FAM241B: variants seen among roughly 807,000 people sequenced by gnomAD.
FAM241B encodes family with sequence similarity 241 member B.
FAM241B carries 7 observed loss-of-function variants against 9.3 expected under a neutral mutation model. That is an observed-to-expected ratio of 0.75 (90% CI 0.43 to 1.41). The LOEUF (loss-of-function observed/expected upper bound fraction) is 1.41. Among genes scored for constraint, FAM241B ranks in the 40% most tolerant of loss-of-function variants. FAM241B has a pLI of 0.01. For missense variants in FAM241B, 136 were observed against 159.6 expected, an observed-to-expected ratio of 0.85 and a Z score of 0.80; for synonymous variants, 60 against 64.1, an observed-to-expected ratio of 0.94 and a Z score of 0.31.
intron 3 of FAM241B, 21 bp downstream of exon 3, chr10:69,631,860 G>C (rs983233154): frequency 1.3e-6 from 2 of 1,595,912 alleles, no homozygotes. Flanking sequence ...ATTTCCTGTG[G>C]AGTGGGACAG....
chr10:69,632,017 C>T (rs866644461), intron 3 of FAM241B, among the ~76,000 whole-genome samples, 178 bp downstream of exon 3: 30 of 151,126 alleles, frequency 2.0e-4, no homozygotes, highest in African/African-American at 5.4e-4. Context: ...TTTCTCCAGG[C>T]GCCTCCCCAG....
chr10:69,631,876 C>T (rs777934945), intron 3 of FAM241B, 37 bp downstream of exon 3: 10 of 1,582,300 alleles, frequency 6.3e-6, no homozygotes, highest in South Asian at 2.3e-5. Flanking sequence ...GACAGATGGC[C>T]TCCTGTGTAC....
intron 1 of FAM241B, chr10:69,630,598 C>T (rs2133255045): frequency 3.1e-6 from 4 of 1,273,876 alleles, no homozygotes; most frequent in East Asian, 6.3e-5. Flanking sequence ...CTCCAGGCTA[C>T]GGGCAAGACC....
chr10:69,633,251 G>C lies in FAM241B; in HGVS notation c.*192G>C. The C allele has an allele frequency of 1.2e-6, 1 of 845,800 alleles. No homozygotes were observed. Among genetic ancestry groups the C allele is most frequent in the Non-Finnish European group, 1.8e-6 (1 of 554,262 alleles). 52.4% of individuals were successfully genotyped at this position (845,800 alleles called of 1,614,324 possible). ...TTAGTCCAGCATTTCCAAAGTGTGG[G>C]TGGGTCCGTTGGTTCCCAAGATACT... is the stretch of plus-strand genomic sequence containing the variant. On this transcript the variant is annotated 3_prime_UTR_variant, in exon 4 of 4. Transcript: ENST00000373279.
chr10:69,633,229 GTCCAGCATT>G lies in FAM241B; in HGVS notation c.*175_*183del, dbSNP rs1051304080. The G allele has an allele frequency of 7.8e-5, 78 of 1,005,762 alleles. No homozygotes were observed. Among genetic ancestry groups the G allele is most frequent in the Non-Finnish European group, 7.4e-5 (51 of 690,332 alleles). 62.3% of individuals were successfully genotyped at this position (1,005,762 alleles called of 1,614,324 possible). A position where few individuals can be genotyped will look rare whatever the true frequency, so the allele number is the denominator to read the frequency against. ...AAGCGTGAGGCAGAGGGAGACGTTA[GTCCAGCATT>G]TCCAAAGTGTGGGTGGGTCCGTTGG... On this transcript the variant is annotated 3_prime_UTR_variant, in exon 4 of 4. Transcript: ENST00000373279.
At position 69,633,470 on chromosome 10, in the gene FAM241B, T is replaced by C. The variant is rs781442994; in HGVS notation, c.*411T>C. 1.1e-5 allele frequency: 2 copies of C among 190,108 alleles called. No homozygotes were observed. The highest frequency in any genetic ancestry group is 2.2e-5 in the Non-Finnish European group (2 of 92,008). 11.8% of individuals were successfully genotyped at this position (190,108 alleles called of 1,614,324 possible). A position where few individuals can be genotyped will look rare whatever the true frequency, so the allele number is the denominator to read the frequency against. On this transcript the variant is annotated 3_prime_UTR_variant, in exon 4 of 4. Transcript: ENST00000373279. ...TTGGGCTTAGGGCAGGTGGAAAAAATTCCAGACTTTTTTAGCACTGTTTTT... is the reference window on the plus strand; with the variant it reads ...TTGGGCTTAGGGCAGGTGGAAAAAACTCCAGACTTTTTTAGCACTGTTTTT...
intron 3 of FAM241B, among the ~76,000 whole-genome samples, 175 bp from the exon 4 acceptor site, chr10:69,632,615 G>C (rs1839848527): frequency 6.6e-6 from 1 of 152,154 alleles, no homozygotes; most frequent in Non-Finnish European, 1.5e-5. Context: ...TCTGTGCTCT[G>C]AGAGCTTGTG....
At chr10:69,632,090 CTT>C in intron 3 of FAM241B, among the ~76,000 whole-genome samples, 1 of 152,218 alleles carries the variant, frequency 6.6e-6, no homozygotes, top group South Asian at 2.1e-4. Flanking sequence ...GAGCTAGCGT[CTT>C]TCTTTTAAGA....
In FAM241B at chr10:69,631,530, A is replaced by C. The variant is rs61731601; in HGVS notation, c.-53A>C. The C allele has an allele frequency of 6.5e-7, 1 of 1,542,316 alleles. No homozygotes were observed. The highest frequency in any genetic ancestry group is 1.4e-5 in the African/African-American group (1 of 72,874). ...ACCTCTGTGAACATCACTGACTGCA[A>C]GCCTCCCTCAATTTCTGGTAAATTT... On this transcript the variant is annotated 5_prime_UTR_variant, in exon 2 of 4. Coordinates refer to ENST00000373279, the MANE Select transcript of FAM241B (RefSeq NM_145306.3).
At chr10:69,632,002 T>A (rs1358331050) in intron 3 of FAM241B, among the ~76,000 whole-genome samples, 163 bp downstream of exon 3, 1 of 150,978 alleles carries the variant, frequency 6.6e-6, no homozygotes, top group Non-Finnish European at 1.5e-5. Context: ...CCTCCCCAGA[T>A]CTCCTTTCTC....
intron 2 of FAM241B, 33 bp from the exon 3 acceptor site, chr10:69,631,676 C>T: frequency 6.3e-7 from 1 of 1,579,282 alleles, no homozygotes; most frequent in Non-Finnish European, 8.6e-7. Flanking sequence ...ACTTGGCTTC[C>T]ATTAGCCTGC....
intron 1 of FAM241B, 52 bp from the exon 2 acceptor site, chr10:69,631,428 C>A: frequency 7.2e-7 from 1 of 1,383,506 alleles, no homozygotes; most frequent in Non-Finnish European, 9.7e-7. Flanking sequence ...TGTCTGAAAT[C>A]TTTTTGCCTG....
chr10:69,633,364 GAGA>G lies in FAM241B; in HGVS notation c.*309_*311del, dbSNP rs1315815958. The G allele has an allele frequency of 2.6e-5, 11 of 428,032 alleles. No homozygotes were observed. The highest frequency in any genetic ancestry group is 4.0e-5 in the Admixed American group (1 of 25,040). The allele number at this position is 428,032 out of a possible 1,614,324, so 26.5% of individuals were successfully genotyped here. The stretch of plus-strand genomic sequence containing the variant: ...CCAATTCTCTCAATCCTTTTATGCC[GAGA>G]AGATCTCAGCTGGATGCCAACATGT... On this transcript the variant is annotated 3_prime_UTR_variant, in exon 4 of 4. Coordinates refer to ENST00000373279, the MANE Select transcript of FAM241B (RefSeq NM_145306.3).
intron 1 of FAM241B, chr10:69,630,727 G>A (rs1426646251): frequency 1.6e-6 from 2 of 1,237,586 alleles, no homozygotes; most frequent in Admixed American, 5.6e-5. Context: ...GGGAGGCGTG[G>A]AGGGGCCCCG....
intron 1 of FAM241B, among the ~76,000 whole-genome samples, chr10:69,631,254 AGT>A (rs1171677789): frequency 6.6e-6 from 1 of 151,770 alleles, no homozygotes; most frequent in African/African-American, 2.4e-5. Flanking sequence ...TCCTCGGGGG[AGT>A]GTTGTGAGGC....
intron 3 of FAM241B, 125 bp downstream of exon 3, chr10:69,631,964 T>TGGGTAAGACTC (rs1839832788): frequency 1.8e-6 from 2 of 1,135,480 alleles, no homozygotes; most frequent in South Asian, 3.1e-5. Flanking sequence ...TGCAGAGAGC[T>TGGGTAAGACTC]GGGGAAGATG....
rs546464168 is a variant in FAM241B, at chr10:69,633,184, G to A, written c.*125G>A. The A allele has an allele frequency of 6.7e-6, 9 of 1,353,058 alleles. No homozygotes were observed. Among genetic ancestry groups the A allele is most frequent in the African/African-American group, 1.4e-5 (1 of 69,466 alleles). The allele number at this position is 1,353,058 out of a possible 1,614,324, so 83.8% of individuals were successfully genotyped here. ...TATGATCAGAGAGGGGACCACAGGT[G>A]TGTGTTTCCCCTTTGTGTTAAGCGT... On this transcript the variant is annotated 3_prime_UTR_variant, in exon 4 of 4. Coordinates refer to ENST00000373279, the MANE Select transcript of FAM241B (RefSeq NM_145306.3).
chr10:69,631,452 C>T (rs1296278784), intron 1 of FAM241B, 28 bp from the exon 2 acceptor site: 1 of 1,464,470 alleles, frequency 6.8e-7, no homozygotes, highest in Non-Finnish European at 9.2e-7. Flanking sequence ...AACAACTTGC[C>T]TTTATTTCTC....
At chr10:69,632,457 CAAAAAAAAAAAAAAA>C in intron 3 of FAM241B, among the ~76,000 whole-genome samples, 1 of 109,022 alleles carries the variant, frequency 9.2e-6, no homozygotes, top group Non-Finnish European at 1.8e-5. Context: ...GACTCCGTCT[CAAAAAAAAAAAAAAA>C]AAAAAAAAGA....
Sources: gnomAD v4.1 joint callset for allele counts (sites outside exome capture counted in the v4.1 genomes callset) on GRCh38, gnomAD v4.1.1 for gene constraint, MANE v1.5 for transcripts, NCBI Gene and HGNC (gene_info 2026-07-23, HGNC 2026-07-21) for gene names.